CCDC192: variants seen among roughly 807,000 people sequenced by gnomAD.
CCDC192 encodes the protein coiled-coil domain-containing protein 192.
chr5:127,916,301 C>T (rs1753519078), intron 6 of CCDC192, among the ~76,000 whole-genome samples: 1 of 152,186 alleles, frequency 6.6e-6, no homozygotes, highest in East Asian at 1.9e-4. Context: ...GTTATTTTCT[C>T]CACTGAAGTC....
In CCDC192 at chr5:127,731,189, G is replaced by A. The variant is rs150370660; in HGVS notation, c.115-23079G>A. ...AAATCTCAGGATACAAAATCAATATGCAAAAATCACGAGCATTCCTATACA... is the reference window on the plus strand; with the variant it reads ...AAATCTCAGGATACAAAATCAATATACAAAAATCACGAGCATTCCTATACA... On this transcript the variant is annotated intron_variant, in intron 2 of 6. Coordinates refer to ENST00000514853, the MANE Select transcript of CCDC192 (RefSeq NM_001317938.2). Among the ~76,000 whole-genome samples the A allele has an allele frequency of 3.9e-3, 586 of 152,174 alleles. 1 individual carries two copies. The highest frequency in any genetic ancestry group is 6.6e-3 in the Non-Finnish European group (449 of 67,988).
intron 5 of CCDC192, among the ~76,000 whole-genome samples, chr5:127,812,033 GTGTC>G (rs1456301979): frequency 6.6e-6 from 1 of 152,206 alleles, no homozygotes; most frequent in Admixed American, 6.5e-5. Context: ...TACTAGCTGA[GTGTC>G]TGAGTAGATT....
chr5:127,759,687 G>A (rs1754804126), intron 3 of CCDC192, among the ~76,000 whole-genome samples: 1 of 152,170 alleles, frequency 6.6e-6, no homozygotes, highest in Non-Finnish European at 1.5e-5. Flanking sequence ...GCAGAACTGT[G>A]TAGTTCTCTT....
At chr5:127,743,965 G>C (rs1753586732) in intron 2 of CCDC192, among the ~76,000 whole-genome samples, 1 of 151,682 alleles carries the variant, frequency 6.6e-6, no homozygotes, top group Admixed American at 6.6e-5. Context: ...ATGGTGGCGG[G>C]CGCCTGTAGT....
At chr5:127,773,763 T>A (rs1260296749) in intron 3 of CCDC192, among the ~76,000 whole-genome samples, 1 of 152,204 alleles carries the variant, frequency 6.6e-6, no homozygotes, top group Non-Finnish European at 1.5e-5. Flanking sequence ...TGTTCATTTC[T>A]TTTTGGTATA....
At chr5:127,714,194 A>C (rs979517221) in intron 2 of CCDC192, among the ~76,000 whole-genome samples, 3 of 152,206 alleles carry the variant, frequency 2.0e-5, no homozygotes, top group Non-Finnish European at 4.4e-5. Context: ...GTGGCTGAAT[A>C]GTATTCTATT....
chr5:127,908,256 C>T (rs1753252876), intron 6 of CCDC192, among the ~76,000 whole-genome samples: 1 of 152,104 alleles, frequency 6.6e-6, no homozygotes, highest in Non-Finnish European at 1.5e-5. Context: ...TACTAATAAT[C>T]CAAACACATT....
intron 5 of CCDC192, among the ~76,000 whole-genome samples, chr5:127,813,420 GT>G (rs1758191209): frequency 6.6e-6 from 1 of 152,118 alleles, no homozygotes; most frequent in Non-Finnish European, 1.5e-5. Flanking sequence ...AAAGGAAATT[GT>G]TTCTAGCTTT....
rs138516612 is a variant in CCDC192, at chr5:127,786,290, G to C, written c.223-10813G>C. ...TTCATATATTCAGTAACTGGGTTCT[G>C]CTGCAAGAATTCAGTACTCTCTGTG... On this transcript the variant is annotated intron_variant, in intron 3 of 6. Coordinates refer to ENST00000514853, the MANE Select transcript of CCDC192 (RefSeq NM_001317938.2). 2.9e-4 allele frequency: 182 copies of C among 631,934 alleles called. No homozygotes were observed. The African/African-American group carries it at 3.2e-3, about 11-fold the overall frequency. The allele number at this position is 631,934 out of a possible 1,614,324, so 39.1% of individuals were successfully genotyped here. A position where few individuals can be genotyped will look rare whatever the true frequency, so the allele number is the denominator to read the frequency against.
intron 5 of CCDC192, among the ~76,000 whole-genome samples, chr5:127,870,534 A>G (rs1561532519): frequency 6.6e-6 from 1 of 152,238 alleles, no homozygotes; most frequent in African/African-American, 2.4e-5. Context: ...TCACTATACA[A>G]CAAGGATTAG....
At chr5:127,768,683 A>C (rs1372475966) in intron 3 of CCDC192, among the ~76,000 whole-genome samples, 3 of 152,226 alleles carry the variant, frequency 2.0e-5, no homozygotes, top group Non-Finnish European at 4.4e-5. Context: ...GTAAACCTAG[A>C]AATGACTACA....
intron 5 of CCDC192, among the ~76,000 whole-genome samples, chr5:127,866,037 G>A (rs2127115565): frequency 6.6e-6 from 1 of 152,140 alleles, no homozygotes; most frequent in East Asian, 1.9e-4. Flanking sequence ...AGAGCTTTCA[G>A]GGTAGGAATA....
At chr5:127,771,868 GA>G (rs139514525) in intron 3 of CCDC192, among the ~76,000 whole-genome samples, 2 of 152,022 alleles carry the variant, frequency 1.3e-5, no homozygotes, top group South Asian at 4.1e-4. Context: ...GATTGAAAAG[GA>G]AAAAAAGGGG....
At chr5:127,821,790 C>G (rs1212429493) in intron 5 of CCDC192, among the ~76,000 whole-genome samples, 1 of 152,148 alleles carries the variant, frequency 6.6e-6, no homozygotes, top group Non-Finnish European at 1.5e-5. Context: ...GGCAGCATAA[C>G]TATAACTGCC....
At chr5:127,722,138 C>A (rs559654556) in intron 2 of CCDC192, among the ~76,000 whole-genome samples, 106 of 152,268 alleles carry the variant, frequency 7.0e-4, no homozygotes, top group Non-Finnish European at 1.4e-3. Context: ...CATTGCCTGT[C>A]TTTTGGATAA....
chr5:127,927,728 A>G (rs1205957573), intron 6 of CCDC192, among the ~76,000 whole-genome samples: 3 of 152,156 alleles, frequency 2.0e-5, no homozygotes, highest in Non-Finnish European at 4.4e-5. Context: ...GGATGTCTGG[A>G]AACCCTCAGT....
chr5:127,745,280 T>C lies in CCDC192; in HGVS notation c.115-8988T>C, dbSNP rs564726565. ...GAGAAATAAAGGCTTAACAGCAAGGTAGAGGATAATGAGAAGGTACTGGAA... is the reference window on the plus strand; with the variant it reads ...GAGAAATAAAGGCTTAACAGCAAGGCAGAGGATAATGAGAAGGTACTGGAA... On this transcript the variant is annotated intron_variant, in intron 2 of 6. Coordinates refer to ENST00000514853, the MANE Select transcript of CCDC192 (RefSeq NM_001317938.2). Among the ~76,000 whole-genome samples, 3 of 152,238 alleles carry C rather than the reference T, an allele frequency of 2.0e-5. No individual in the cohort carries two copies. The East Asian group carries it at 5.8e-4, about 29-fold the overall frequency.
intron 6 of CCDC192, among the ~76,000 whole-genome samples, chr5:127,936,142 A>T (rs1172069245): frequency 6.6e-6 from 1 of 152,166 alleles, no homozygotes; most frequent in Non-Finnish European, 1.5e-5. Context: ...TATCAAAGAG[A>T]TGTTACAGAA....
chr5:127,710,844 T>C (rs530431439), intron 2 of CCDC192, among the ~76,000 whole-genome samples: 1 of 152,228 alleles, frequency 6.6e-6, no homozygotes, highest in Non-Finnish European at 1.5e-5. Flanking sequence ...GTTTACTTTA[T>C]CGCAGGAACC....
Sources: allele counts gnomAD v4.1 joint callset (sites outside exome capture counted in the v4.1 genomes callset), GRCh38; gene constraint gnomAD v4.1.1; transcripts MANE v1.5; gene names NCBI Gene and HGNC (gene_info 2026-07-23, HGNC 2026-07-21).